Variants in DNAJC18 observed in about 807,000 individuals in gnomAD.
The protein encoded by DNAJC18 is DnaJ heat shock protein family (Hsp40) member C18.
Under a neutral mutation model 48.6 loss-of-function variants are expected in DNAJC18, and 40 were observed. The ratio of observed to expected loss-of-function variants is 0.82; its 90% confidence interval spans 0.64 to 1.07. The LOEUF (loss-of-function observed/expected upper bound fraction) is 1.07, where lower values mean the gene tolerates loss of function less well. Ranked by LOEUF, DNAJC18 falls within the 50% of genes least tolerant of loss-of-function variation. The pLI, the probability that DNAJC18 is intolerant of heterozygous loss-of-function variation, is 0.00. For missense variants in DNAJC18, 340 were observed against 427.7 expected (o/e 0.79, Z 1.81); for synonymous variants, 135 against 152.2 (o/e 0.89, Z 0.83).
chr5:139,422,232 CAG>C (rs1183658079), intron 6 of DNAJC18, among the ~76,000 whole-genome samples: 2 of 152,126 alleles, frequency 1.3e-5, no homozygotes, highest in African/African-American at 4.8e-5. Flanking sequence ...AAAATCCTAT[CAG>C]AGTTTATAAT....
At chr5:139,416,541 A>T (rs1429988392) in intron 7 of DNAJC18, among the ~76,000 whole-genome samples, 1 of 152,242 alleles carries the variant, frequency 6.6e-6, no homozygotes, top group Non-Finnish European at 1.5e-5. Context: ...CTCCACCAGA[A>T]ATTAGGCACT....
chr5:139,437,959 G>A (rs1750707681), intron 1 of DNAJC18, among the ~76,000 whole-genome samples: 1 of 152,226 alleles, frequency 6.6e-6, no homozygotes, highest in East Asian at 1.9e-4. Flanking sequence ...TCCAACCCGC[G>A]GCCCACAGGT....
intron 5 of DNAJC18, among the ~76,000 whole-genome samples, chr5:139,423,848 C>A (rs1759194006): frequency 6.6e-6 from 1 of 152,150 alleles, no homozygotes; most frequent in Admixed American, 6.5e-5. Context: ...ACTCTCTCTG[C>A]TGAGCAGGCT....
In DNAJC18 at chr5:139,420,191, T is replaced by A. The variant is rs1474431080; in HGVS notation, c.814A>T (p.Asn272Tyr). 1.2e-6 allele frequency: 2 copies of A among 1,611,324 alleles called. No homozygotes were observed. Among genetic ancestry groups the A allele is most frequent in the Admixed American group, 3.4e-5 (2 of 59,270 alleles). The change falls in exon 7 of 8, where the codon AAC becomes TAC. Residue 272 changes from asparagine to tyrosine, a missense_variant. Asn to Tyr is a moderately radical substitution (Grantham distance 143). Transcript: ENST00000302060. Reference sequence around the variant, plus strand: ...TCCACAAAGTAAGGCACCTGCAGGTTCTGAGTTTCTCTAGAAATGGTGTAG... The same window carrying A: ...TCCACAAAGTAAGGCACCTGCAGGTACTGAGTTTCTCTAGAAATGGTGTAG... ...LGYTISRETQ[N>Y]LQVPYFVDKN...
chr5:139,421,666 G>T (rs1453943098), intron 6 of DNAJC18, among the ~76,000 whole-genome samples: 1 of 152,014 alleles, frequency 6.6e-6, no homozygotes, highest in Non-Finnish European at 1.5e-5. Context: ...TTATCCGGGT[G>T]TGGTGGTGCG....
chr5:139,438,252 G>C (rs1040189798), intron 1 of DNAJC18, among the ~76,000 whole-genome samples: 25 of 151,132 alleles, frequency 1.7e-4, no homozygotes, highest in South Asian at 4.2e-4. Flanking sequence ...GGAGGCGGAG[G>C]TTGCAGTGAG....
rs377125785 is a variant in DNAJC18, at chr5:139,435,705, G to GTTTTTTTTTTTTTT, written c.227+1653_227+1666dup. Among the ~76,000 whole-genome samples the GTTTTTTTTTTTTTT allele has an allele frequency of 3.1e-3, 128 of 41,190 alleles. 46 individuals carry two copies. The highest frequency in any genetic ancestry group is 0.027 in the East Asian group (20 of 742). 27.0% of individuals were successfully genotyped at this position (41,190 alleles called of 152,430 possible). On this transcript the variant is annotated intron_variant, in intron 2 of 7. Coordinates refer to ENST00000302060, the MANE Select transcript of DNAJC18 (RefSeq NM_152686.4). ...GGGCCTGGACTTTTCTTCATTGGAA[G>GTTTTTTTTTTTTTT]TTTTTTTTTTTTTTTTTTTTTTTTT...
At chr5:139,419,388 A>AG (rs947198041) in intron 7 of DNAJC18, among the ~76,000 whole-genome samples, 20 of 152,312 alleles carry the variant, frequency 1.3e-4, no homozygotes, top group African/African-American at 4.6e-4. Flanking sequence ...AGAGGGAAAT[A>AG]GGGGGGAAGG....
chr5:139,433,596 T>C (rs1400485410), intron 2 of DNAJC18, among the ~76,000 whole-genome samples: 16 of 152,150 alleles, frequency 1.1e-4, no homozygotes, highest in Admixed American at 9.8e-4. Flanking sequence ...CTCAGCAAAA[T>C]AACAGGAGCT....
Position 139,422,716 on chromosome 5 carries a change from G to T in DNAJC18, c.771C>A (p.Phe257Leu). Residue 257 changes from phenylalanine to leucine, a missense_variant, in exon 6 of 8, where the codon TTC becomes TTA. Coordinates refer to ENST00000302060, the MANE Select transcript of DNAJC18 (RefSeq NM_152686.4). ...AGAAATACCAGACTTACGATTTATA[G>T]AACAGACTATATGGGGGATTAGTAG... is the stretch of plus-strand genomic sequence containing the variant. ...LLATNPPYSL[F>L]YKSTLGYTIS... 6.3e-7 allele frequency: 1 copy of T among 1,599,664 alleles called. No individual in the cohort carries two copies. Among genetic ancestry groups the T allele is most frequent in the South Asian group, 1.1e-5 (1 of 88,540 alleles).
At chr5:139,428,459 A>T in intron 3 of DNAJC18, 79 bp downstream of exon 3, 1 of 1,537,024 alleles carries the variant, frequency 6.5e-7, no homozygotes, top group Non-Finnish European at 8.7e-7. Context: ...CTTATAAAAC[A>T]ACTATGGGGA....
At chr5:139,425,305 A>T (rs1759218897) in intron 4 of DNAJC18, among the ~76,000 whole-genome samples, 191 bp from the exon 5 acceptor site, 1 of 152,076 alleles carries the variant, frequency 6.6e-6, no homozygotes, top group East Asian at 1.9e-4. Flanking sequence ...CTGGGATTAC[A>T]GGCACCCGCC....
At position 139,412,887 on chromosome 5, in the gene DNAJC18, G is replaced by A. The variant is rs945424615; in HGVS notation, c.*1261C>T. 18 of 398,542 alleles carry A rather than the reference G, an allele frequency of 4.5e-5. 1 individual carries two copies. Among genetic ancestry groups the A allele is most frequent in the African/African-American group, 3.5e-4 (17 of 48,624 alleles). The allele number at this position is 398,542 out of a possible 1,614,324, so 24.7% of individuals were successfully genotyped here. A position where few individuals can be genotyped will look rare whatever the true frequency, so the allele number is the denominator to read the frequency against. ...GGGTCATGGGGTTGGGGAGGACGGA[G>A]GCATCCTCGGGAAAGGTTCTGCTTT... On this transcript the variant is annotated 3_prime_UTR_variant, in exon 8 of 8. Coordinates refer to ENST00000302060, the MANE Select transcript of DNAJC18 (RefSeq NM_152686.4).
At position 139,426,303 on chromosome 5, in the gene DNAJC18, T is replaced by C. The variant is rs1393173001; in HGVS notation, c.428A>G (p.Asp143Gly). 5.0e-6 allele frequency: 8 copies of C among 1,614,068 alleles called. No individual in the cohort carries two copies. Among genetic ancestry groups the C allele is most frequent in the Non-Finnish European group, 6.8e-6 (8 of 1,180,036 alleles). ...LSNPDKRLRY[D>G]EYGDEQVTFT... ...AGTCACCTGTTCATCTCCGTATTCA[T>C]CATAGCGAAGTCTCTTATCAGGATT... The change falls in exon 4 of 8, where the codon GAT (aspartate) becomes GGT (glycine). Residue 143 changes from aspartate (D) to glycine (G), a missense_variant. Physicochemically the swap from Asp to Gly is moderately conservative, Grantham distance 94. Coordinates refer to ENST00000302060, the MANE Select transcript of DNAJC18 (RefSeq NM_152686.4).
In DNAJC18 at chr5:139,412,880, G is replaced by A; in HGVS notation, c.*1268C>T. ...AGATGAGGGGTCATGGGGTTGGGGA[G>A]GACGGAGGCATCCTCGGGAAAGGTT... is the stretch of plus-strand genomic sequence containing the variant. On this transcript the variant is annotated 3_prime_UTR_variant, in exon 8 of 8. Transcript: ENST00000302060. 5.0e-6 allele frequency: 2 copies of A among 398,682 alleles called. No individual in the cohort carries two copies. Among genetic ancestry groups the A allele is most frequent in the Non-Finnish European group, 8.8e-6 (2 of 226,114 alleles). The allele number at this position is 398,682 out of a possible 1,614,324, so 24.7% of individuals were successfully genotyped here.
intron 2 of DNAJC18, among the ~76,000 whole-genome samples, chr5:139,433,063 T>TGA (rs1285802273): frequency 6.6e-6 from 1 of 152,178 alleles, no homozygotes; most frequent in Non-Finnish European, 1.5e-5. Context: ...GTGGAAGCCT[T>TGA]GAGCTCAGGC....
chr5:139,421,467 A>G (rs1427338742), intron 6 of DNAJC18, among the ~76,000 whole-genome samples: 1 of 151,794 alleles, frequency 6.6e-6, no homozygotes, highest in African/African-American at 2.4e-5. Flanking sequence ...AAACAAAAAC[A>G]ATAAAAAGAA....
intron 5 of DNAJC18, 40 bp from the exon 6 acceptor site, chr5:139,422,857 C>CTTT (rs374000334): frequency 6.1e-5 from 71 of 1,163,824 alleles, no homozygotes; most frequent in East Asian, 3.2e-4. Flanking sequence ...TGTAAGTGTT[C>CTTT]TTTTTTTTTT....
intron 7 of DNAJC18, among the ~76,000 whole-genome samples, chr5:139,417,165 G>A (rs1759081558): frequency 6.9e-6 from 1 of 145,122 alleles, no homozygotes; most frequent in African/African-American, 2.5e-5. Flanking sequence ...ACTCCAGCCT[G>A]AGCGAGAGAG....
Sources: gnomAD v4.1 joint callset for allele counts (sites outside exome capture counted in the v4.1 genomes callset) on GRCh38, gnomAD v4.1.1 for gene constraint, MANE v1.5 for transcripts, NCBI Gene and HGNC (gene_info 2026-07-23, HGNC 2026-07-21) for gene names.